SLC38A12: variants seen among roughly 807,000 people sequenced by gnomAD.
SLC38A12 encodes solute carrier family 38 member 12.
chr17:74,819,861 C>T, the SLC38A12 span: 2 of 1,604,220 alleles, frequency 1.2e-6, no homozygotes, highest in Non-Finnish European at 1.7e-6. Flanking sequence ...TGAGAAACAG[C>T]TCGAGTCTCT....
At chr17:74,786,104 C>T in the SLC38A12 span, among the ~76,000 whole-genome samples, 1 of 152,234 alleles carries the variant, frequency 6.6e-6, no homozygotes, top group Non-Finnish European at 1.5e-5. Context: ...CACTCGCCTG[C>T]TGTGTACCTC....
the SLC38A12 span, chr17:74,835,812 T>C: frequency 6.7e-7 from 1 of 1,496,946 alleles, no homozygotes; most frequent in East Asian, 2.3e-5. Flanking sequence ...TGAACATGCA[T>C]TTAATGACTC....
chr17:74,780,417 G>T, the SLC38A12 span, among the ~76,000 whole-genome samples: 1 of 152,190 alleles, frequency 6.6e-6, no homozygotes, highest in Non-Finnish European at 1.5e-5. Context: ...AGCCACAGAG[G>T]AAGAGGTGAG....
chr17:74,822,881 C>A, the SLC38A12 span, among the ~76,000 whole-genome samples: 103 of 152,318 alleles, frequency 6.8e-4, 1 homozygote, highest in East Asian at 0.014. Flanking sequence ...GGATGGAGGT[C>A]CCCCTGGAGC....
chr17:74,819,831 A>T, the SLC38A12 span: 1 of 1,614,056 alleles, frequency 6.2e-7, no homozygotes, highest in Non-Finnish European at 8.5e-7. Context: ...GACCTCTCTG[A>T]TGAGATGGAT....
At chr17:74,818,199 T>C in the SLC38A12 span, among the ~76,000 whole-genome samples, 2 of 152,210 alleles carry the variant, frequency 1.3e-5, no homozygotes, top group South Asian at 2.1e-4. Flanking sequence ...CGGCGGAGGC[T>C]GTCCACTGCT....
the SLC38A12 span, among the ~76,000 whole-genome samples, chr17:74,834,207 T>C: frequency 2.0e-5 from 3 of 151,924 alleles, no homozygotes; most frequent in African/African-American, 7.3e-5. Context: ...CCACCCCCAG[T>C]GGGTGAAGCT....
the SLC38A12 span, among the ~76,000 whole-genome samples, chr17:74,794,520 C>T: frequency 1.3e-5 from 2 of 152,156 alleles, no homozygotes; most frequent in Non-Finnish European, 2.9e-5. Context: ...GGCTTTTTAC[C>T]CTTTGGATCC....
At chr17:74,777,468 G>A in the SLC38A12 span, 1 of 1,590,228 alleles carries the variant, frequency 6.3e-7, no homozygotes, top group Non-Finnish European at 8.6e-7. Flanking sequence ...AGTGAGTGCT[G>A]CTGCTTGAGC....
chr17:74,807,453 A>T, the SLC38A12 span, among the ~76,000 whole-genome samples: 2 of 152,184 alleles, frequency 1.3e-5, no homozygotes, highest in African/African-American at 4.8e-5. Context: ...GGGCTTTGGC[A>T]CACAACCCTC....
the SLC38A12 span, among the ~76,000 whole-genome samples, chr17:74,785,005 A>G: frequency 6.6e-6 from 1 of 152,122 alleles, no homozygotes; most frequent in Admixed American, 6.6e-5. Context: ...GGGTGGAGAA[A>G]GAGAAGCATG....
At chr17:74,795,711 G>A in the SLC38A12 span, 2 of 1,114,816 alleles carry the variant, frequency 1.8e-6, no homozygotes, top group Admixed American at 2.0e-5. Flanking sequence ...TTTACTTCCA[G>A]GTAGAATCCT....
the SLC38A12 span, among the ~76,000 whole-genome samples, chr17:74,817,126 G>A: frequency 6.6e-6 from 1 of 151,526 alleles, no homozygotes; most frequent in Admixed American, 6.6e-5. Context: ...CAGTTGCTGA[G>A]TTCTGGCTCT....
chr17:74,790,546 C>T, the SLC38A12 span, among the ~76,000 whole-genome samples: 1 of 152,024 alleles, frequency 6.6e-6, no homozygotes, highest in Non-Finnish European at 1.5e-5. Context: ...ACCTCAGTTT[C>T]CCCCCATACC....
the SLC38A12 span, among the ~76,000 whole-genome samples, chr17:74,823,808 C>T: frequency 2.6e-5 from 4 of 152,250 alleles, no homozygotes; most frequent in Admixed American, 1.3e-4. Flanking sequence ...GAGGTCACGC[C>T]GGACCTCCTT....
At chr17:74,782,499 T>C in the SLC38A12 span, among the ~76,000 whole-genome samples, 3 of 152,174 alleles carry the variant, frequency 2.0e-5, no homozygotes, top group African/African-American at 7.2e-5. Flanking sequence ...AAGGCTCTTG[T>C]TGGTTTTTGA....
At chr17:74,776,923 A>G in the SLC38A12 span, among the ~76,000 whole-genome samples, 1 of 152,300 alleles carries the variant, frequency 6.6e-6, no homozygotes, top group Non-Finnish European at 1.5e-5. Flanking sequence ...TCCTGGAACT[A>G]AACGAGGATA....
At chr17:74,836,671 G>T in the SLC38A12 span, 1 of 1,601,164 alleles carries the variant, frequency 6.2e-7, no homozygotes. This position sits in a 1 kb window ranked among gnomAD's most constrained non-coding sequence, Gnocchi z 4.2. Context: ...ATCATCCTCA[G>T]CGAGACCAAG....
the SLC38A12 span, among the ~76,000 whole-genome samples, chr17:74,821,854 T>G: frequency 3.3e-5 from 5 of 152,158 alleles, no homozygotes; most frequent in African/African-American, 1.2e-4. Flanking sequence ...CCCTCAGCAC[T>G]GGGGAGGGGG....
Sources: gnomAD v4.1 joint callset for allele counts (sites outside exome capture counted in the v4.1 genomes callset) on GRCh38, gnomAD v4.1.1 for gene constraint, Gnocchi (gnomAD v3.1) non-coding constraint, MANE v1.5 for transcripts, NCBI Gene and HGNC (gene_info 2026-07-23, HGNC 2026-07-21) for gene names.